The following DCUN1D5 variants were observed in gnomAD, a reference collection of about 807,000 sequenced individuals.
DCUN1D5 encodes defective in cullin neddylation 1 domain containing 5, also known as DCN1-like protein 5.
Under a neutral mutation model 38.3 loss-of-function variants are expected in DCUN1D5, and 10 were observed. That is an observed-to-expected ratio of 0.26 (90% CI 0.16 to 0.44). The LOEUF (loss-of-function observed/expected upper bound fraction) is 0.44, where lower values mean the gene tolerates loss of function less well. Ranked by LOEUF, DCUN1D5 falls within the 20% of genes least tolerant of loss-of-function variation. The probability of loss-of-function intolerance (pLI) is 1.00; values close to 1 mark genes in which losing one functional copy is unlikely to be tolerated. For synonymous variants in DCUN1D5, 93 were observed against 90.9 expected, an observed-to-expected ratio of 1.02 and a Z score of -0.13; for missense variants, 148 against 275.3, an observed-to-expected ratio of 0.54 and a Z score of 3.27.
In DCUN1D5 at chr11:103,061,294, A is replaced by G. The variant is rs1205367305; in HGVS notation, c.*1065T>C. 1.3e-5 allele frequency among the ~76,000 whole-genome samples: 2 copies of G among 152,172 alleles called. No homozygotes were observed. Among genetic ancestry groups the G allele is most frequent in the Non-Finnish European group, 2.9e-5 (2 of 67,998 alleles). Reference sequence around the variant, plus strand: ...TTGTGACTGGGCTATGAATATGAACAAAGTTTTCATATCACTGGGATACTG... The same window carrying G: ...TTGTGACTGGGCTATGAATATGAACGAAGTTTTCATATCACTGGGATACTG... On this transcript the variant is annotated 3_prime_UTR_variant, in exon 8 of 8. Transcript: ENST00000260247.
At position 103,078,369 on chromosome 11, in the gene DCUN1D5, T is replaced by C. The variant is rs1351503702; in HGVS notation, c.341+4379A>G. 6.6e-6 allele frequency among the ~76,000 whole-genome samples: 1 copy of C among 152,230 alleles called. No individual in the cohort carries two copies. Among genetic ancestry groups the C allele is most frequent in the African/African-American group, 2.4e-5 (1 of 41,466 alleles). On this transcript the variant is annotated intron_variant, in intron 4 of 7. Coordinates refer to ENST00000260247, the MANE Select transcript of DCUN1D5 (RefSeq NM_032299.4). The surrounding 1 kb of genome is among the most constrained non-coding windows in gnomAD (Gnocchi z 4.6). ...AAGTATCCTTGAAACCTCGTATCTATAGACGAAGGAAGAGAAATTCCATAA... is the reference window on the plus strand; with the variant it reads ...AAGTATCCTTGAAACCTCGTATCTACAGACGAAGGAAGAGAAATTCCATAA...
In DCUN1D5 at chr11:103,062,429, A is replaced by G. The variant is rs1677686892; in HGVS notation, c.659-15T>C. 1 of 1,609,706 alleles carries G rather than the reference A, an allele frequency of 6.2e-7. No individual in the cohort carries two copies. The highest frequency in any genetic ancestry group is 2.2e-5 in the East Asian group (1 of 44,854). On this transcript the variant is annotated splice_polypyrimidine_tract_variant and intron_variant, in intron 7 of 7. Transcript: ENST00000260247. This position sits in a 1 kb window ranked among gnomAD's most constrained non-coding sequence, Gnocchi z 4.6. ...AAGAACAGGCCCTAGAAAAAAAGAA[A>G]CCATTTTTGTCAGAATTCAGTGAAC...
rs776500553 is a variant in DCUN1D5, at chr11:103,083,246, T to A, written c.249+10A>T. 1.3e-6 allele frequency: 2 copies of A among 1,485,302 alleles called. No individual in the cohort carries two copies. The highest frequency in any genetic ancestry group is 1.4e-5 in the African/African-American group (1 of 72,438). The allele number at this position is 1,485,302 out of a possible 1,614,324, so 92.0% of individuals were successfully genotyped here. A position where few individuals can be genotyped will look rare whatever the true frequency, so the allele number is the denominator to read the frequency against. On this transcript the variant is annotated intron_variant, in intron 3 of 7. Transcript: ENST00000260247. The surrounding 1 kb of genome is among the most constrained non-coding windows in gnomAD (Gnocchi z 4.4). ...ACTTATATGCCATTCTACTTAGAAA[T>A]AAAACATACATTTTCAGGTTCAACA... is the stretch of plus-strand genomic sequence containing the variant.
intron 4 of DCUN1D5, among the ~76,000 whole-genome samples, chr11:103,068,768 C>T (rs1862198243): frequency 6.6e-6 from 1 of 151,692 alleles, no homozygotes; most frequent in Non-Finnish European, 1.5e-5. Flanking sequence ...AAATAATCTG[C>T]ACAATCAACC....
chr11:103,082,910 G>A (rs899246573), intron 3 of DCUN1D5, 71 bp from the exon 4 acceptor site: 13 of 1,229,988 alleles, frequency 1.1e-5, no homozygotes, highest in Non-Finnish European at 1.5e-5. Flanking sequence ...ATTTATCATG[G>A]AGAGCATTTT....
rs1253038939 is a variant in DCUN1D5, at chr11:103,061,707, A to ACTT, written c.*649_*651dup. ...AATGATGATACAACTTAATAATACA[A>ACTT]CTTTTTTAGAAAACAAAACAACTGG... is the stretch of plus-strand genomic sequence containing the variant. On this transcript the variant is annotated 3_prime_UTR_variant, in exon 8 of 8. Coordinates refer to ENST00000260247, the MANE Select transcript of DCUN1D5 (RefSeq NM_032299.4). 2.0e-5 allele frequency among the ~76,000 whole-genome samples: 3 copies of ACTT among 152,046 alleles called. No individual in the cohort carries two copies. The highest frequency in any genetic ancestry group is 4.4e-5 in the Non-Finnish European group (3 of 67,974).
Position 103,071,162 on chromosome 11 carries a change from A to G in DCUN1D5, c.342-4595T>C, listed in dbSNP as rs1039339371. ...GTACCTCTAGAACCCAGAAAAAGAA[A>G]GGCAAAATAAACAAACCAAACAGGA... is the stretch of plus-strand genomic sequence containing the variant. On this transcript the variant is annotated intron_variant, in intron 4 of 7. Coordinates refer to ENST00000260247, the MANE Select transcript of DCUN1D5 (RefSeq NM_032299.4). The surrounding 1 kb of genome is among the most constrained non-coding windows in gnomAD (Gnocchi z 4.1). Among the ~76,000 whole-genome samples, 1 of 152,168 alleles carries G rather than the reference A, an allele frequency of 6.6e-6. No individual in the cohort carries two copies. The highest frequency in any genetic ancestry group is 1.5e-5 in the Non-Finnish European group (1 of 67,984).
intron 4 of DCUN1D5, among the ~76,000 whole-genome samples, chr11:103,072,098 T>G (rs947292583): frequency 3.3e-5 from 5 of 151,836 alleles, no homozygotes; most frequent in Admixed American, 6.6e-5. Context: ...AATAAGTAAC[T>G]TACAGGTAAC....
chr11:103,067,597 C>T (rs1292093051), intron 4 of DCUN1D5, among the ~76,000 whole-genome samples: 1 of 152,172 alleles, frequency 6.6e-6, no homozygotes, highest in African/African-American at 2.4e-5. Context: ...TGCTCTCCAG[C>T]CACCTGGCAT....
At position 103,059,543 on chromosome 11, in the gene DCUN1D5, A is replaced by T. The variant is rs1418114374; in HGVS notation, c.*2816T>A. Among the ~76,000 whole-genome samples the T allele has an allele frequency of 6.6e-6, 1 of 152,172 alleles. No individual in the cohort carries two copies. The highest frequency in any genetic ancestry group is 1.9e-4 in the East Asian group (1 of 5,202). ...TCTATACATTATACACAAAAATGCTACTACTGTCAAAAATGTATTATATCA... is the reference window on the plus strand; with the variant it reads ...TCTATACATTATACACAAAAATGCTTCTACTGTCAAAAATGTATTATATCA... On this transcript the variant is annotated 3_prime_UTR_variant, in exon 8 of 8. Transcript: ENST00000260247.
At position 103,087,121 on chromosome 11, in the gene DCUN1D5, T is replaced by C. The variant is rs1054615436; in HGVS notation, c.178+2106A>G. Among the ~76,000 whole-genome samples, 19 of 151,338 alleles carry C rather than the reference T, an allele frequency of 1.3e-4. No homozygotes were observed. Among genetic ancestry groups the C allele is most frequent in the Admixed American group, 2.6e-4 (4 of 15,214 alleles). ...CAATTAGATCACTTGAGCCCAGGAGTTGGAGACCAGTTTGGGCAACATCGT... is the reference window on the plus strand; with the variant it reads ...CAATTAGATCACTTGAGCCCAGGAGCTGGAGACCAGTTTGGGCAACATCGT... On this transcript the variant is annotated intron_variant, in intron 2 of 7. Coordinates refer to ENST00000260247, the MANE Select transcript of DCUN1D5 (RefSeq NM_032299.4). This position sits in a 1 kb window ranked among gnomAD's most constrained non-coding sequence, Gnocchi z 4.1.
chr11:103,091,789 G>T lies in DCUN1D5; in HGVS notation c.84C>A (p.Ser28=). 6.2e-7 allele frequency: 1 copy of T among 1,614,130 alleles called. No individual in the cohort carries two copies. Among genetic ancestry groups the T allele is most frequent in the Non-Finnish European group, 8.5e-7 (1 of 1,179,968 alleles). Residue 28 remains serine (S), a splice_region_variant and synonymous_variant, in exon 1 of 8, where the codon TCC becomes TCA. Transcript: ENST00000260247. The surrounding 1 kb of genome is among the most constrained non-coding windows in gnomAD (Gnocchi z 4.3). ...TGAAGGGTGGGGGGAGATGGTACCT[G>T]GAGATTTTACACTTTTTGAGGCCTC... The part of the protein sequence containing the change: ...EDGGLKKCKI[S]SYCRSQPPAR...
intron 4 of DCUN1D5, among the ~76,000 whole-genome samples, chr11:103,080,579 C>G (rs1862534513): frequency 1.3e-5 from 2 of 152,160 alleles, no homozygotes; most frequent in Admixed American, 1.3e-4. Context: ...CAAGGCTCTA[C>G]AGTATATTAT....
intron 4 of DCUN1D5, among the ~76,000 whole-genome samples, chr11:103,068,618 G>A (rs117146867): frequency 2.0e-5 from 3 of 152,080 alleles, no homozygotes; most frequent in South Asian, 2.1e-4. Flanking sequence ...TCACTTATAC[G>A]TGGGAGCTAA....
chr11:103,053,999 TACCCTAAAAGG>T lies in DCUN1D5; in HGVS notation c.*8349_*8359del, dbSNP rs1287985888. 6.6e-6 allele frequency: 1 copy of T among 152,132 alleles called. No homozygotes were observed. Among genetic ancestry groups the T allele is most frequent in the African/African-American group, 2.4e-5 (1 of 41,448 alleles). The allele number at this position is 152,132 out of a possible 1,614,324, so 9.4% of individuals were successfully genotyped here. On this transcript the variant is annotated 3_prime_UTR_variant, in exon 8 of 8. Coordinates refer to ENST00000260247, the MANE Select transcript of DCUN1D5 (RefSeq NM_032299.4). This position sits in a 1 kb window ranked among gnomAD's most constrained non-coding sequence, Gnocchi z 4.8. Reference sequence around the variant, plus strand: ...GAAAGAACTAGCACACAGAAATAGGTACCCTAAAAGGACTAGGGGTGCAAGAGGACCATGTA... The same window carrying T: ...GAAAGAACTAGCACACAGAAATAGGTACTAGGGGTGCAAGAGGACCATGTA...
At position 103,067,694 on chromosome 11, in the gene DCUN1D5, T is replaced by C. The variant is rs1300570952; in HGVS notation, c.342-1127A>G. On this transcript the variant is annotated intron_variant, in intron 4 of 7. Coordinates refer to ENST00000260247, the MANE Select transcript of DCUN1D5 (RefSeq NM_032299.4). ...ATAATTTCATTAATGTGTAAATATTTTGGACAATTTTCTAATATTAATTAA... is the reference window on the plus strand; with the variant it reads ...ATAATTTCATTAATGTGTAAATATTCTGGACAATTTTCTAATATTAATTAA... Among the ~76,000 whole-genome samples, 12 of 152,318 alleles carry C rather than the reference T, an allele frequency of 7.9e-5. 1 individual carries two copies. In the South Asian group the frequency reaches 1.0e-3, roughly 13 times the overall value.
rs1315371535 is a variant in DCUN1D5 at position 103,073,620 on chromosome 11, T to C, written c.342-7053A>G. Among the ~76,000 whole-genome samples, 1 of 152,124 alleles carries C rather than the reference T, an allele frequency of 6.6e-6. No homozygotes were observed. The highest frequency in any genetic ancestry group is 1.5e-5 in the Non-Finnish European group (1 of 68,026). ...CCAGAAATAAATGTACACAAATATGTCCAACATTTACATAGCTTTTACAGA... is the reference window on the plus strand; with the variant it reads ...CCAGAAATAAATGTACACAAATATGCCCAACATTTACATAGCTTTTACAGA... On this transcript the variant is annotated intron_variant, in intron 4 of 7. Transcript: ENST00000260247. The surrounding 1 kb of genome is among the most constrained non-coding windows in gnomAD (Gnocchi z 4.2).
rs1862090100 is a variant in DCUN1D5 at position 103,064,620 on chromosome 11, A to T, written c.556-243T>A. Among the ~76,000 whole-genome samples, 1 of 152,108 alleles carries T rather than the reference A, an allele frequency of 6.6e-6. No individual in the cohort carries two copies. The highest frequency in any genetic ancestry group is 6.5e-5 in the Admixed American group (1 of 15,276). On this transcript the variant is annotated intron_variant, in intron 6 of 7. Coordinates refer to ENST00000260247, the MANE Select transcript of DCUN1D5 (RefSeq NM_032299.4). This position sits in a 1 kb window ranked among gnomAD's most constrained non-coding sequence, Gnocchi z 4.5. ...GCACTGAGTACTAACAGTAAGGATAAAACTAACTTTTTCATATGTATATAC... is the reference window on the plus strand; with the variant it reads ...GCACTGAGTACTAACAGTAAGGATATAACTAACTTTTTCATATGTATATAC...
intron 4 of DCUN1D5, among the ~76,000 whole-genome samples, 171 bp downstream of exon 4, chr11:103,082,577 A>G (rs192258908): frequency 6.6e-6 from 1 of 152,198 alleles, no homozygotes; most frequent in Admixed American, 6.5e-5. Flanking sequence ...TGGGGTACCT[A>G]TATATTTGCC....
Sources: gnomAD v4.1 joint callset for allele counts (sites outside exome capture counted in the v4.1 genomes callset) on GRCh38, gnomAD v4.1.1 for gene constraint, Gnocchi (gnomAD v3.1) non-coding constraint, MANE v1.5 for transcripts, NCBI Gene and HGNC (gene_info 2026-07-23, HGNC 2026-07-21) for gene names.